Variants in ATP11B observed in about 807,000 individuals in gnomAD.
ATP11B encodes ATPase phospholipid transporting 11B (putative), also known as phospholipid-transporting ATPase IF.
In ATP11B, 81 loss-of-function variants were observed where a neutral mutation model predicts 157.8. That is an observed-to-expected ratio of 0.51 (90% CI 0.43 to 0.62). The LOEUF is 0.62. Among genes scored for constraint, ATP11B ranks in the 20% least tolerant of loss-of-function variants. ATP11B has a pLI of 0.00. For missense variants in ATP11B, 1,165 were observed against 1,402.2 expected, an observed-to-expected ratio of 0.83 and a Z score of 2.70; for synonymous variants, 451 against 469.4, an observed-to-expected ratio of 0.96 and a Z score of 0.51.
intron 11 of ATP11B, 113 bp from the exon 12 acceptor site, chr3:182,859,049 G>A (rs1224236560): frequency 1.6e-6 from 1 of 644,196 alleles, no homozygotes; most frequent in Non-Finnish European, 2.6e-6. Flanking sequence ...TTCTACCTCA[G>A]AATATAGTTG....
At position 182,859,183 on chromosome 3, in the gene ATP11B, T is replaced by C. The variant is rs1488827695; in HGVS notation, c.1024T>C (p.Phe342Leu). The change falls in exon 12 of 30, where the codon TTC becomes CTC. Residue 342 changes from phenylalanine (F) to leucine (L), a missense_variant. Coordinates refer to ENST00000323116, the MANE Select transcript of ATP11B (RefSeq NM_014616.3). The part of the protein sequence containing the change: ...SSKILRFISD[F>L]LAFLVLYNFI... ...CTAGATTCTGAGATTTATTTCAGACTTCCTTGCTTTTTTGGTTCTCTACAA... is the reference window on the plus strand; with the variant it reads ...CTAGATTCTGAGATTTATTTCAGACCTCCTTGCTTTTTTGGTTCTCTACAA... 4.4e-6 allele frequency: 7 copies of C among 1,607,418 alleles called. No individual in the cohort carries two copies. Among genetic ancestry groups the C allele is most frequent in the Non-Finnish European group, 5.9e-6 (7 of 1,176,840 alleles).
chr3:182,890,598 C>T (rs1246529946), intron 25 of ATP11B, among the ~76,000 whole-genome samples: 1 of 152,108 alleles, frequency 6.6e-6, no homozygotes, highest in Non-Finnish European at 1.5e-5. Context: ...AGAGTAGGGA[C>T]ATAAATATAA....
intron 24 of ATP11B, among the ~76,000 whole-genome samples, chr3:182,888,924 G>A (rs1445787172): frequency 2.0e-5 from 3 of 148,008 alleles, no homozygotes; most frequent in Non-Finnish European, 3.0e-5. Flanking sequence ...GTGCAGTGGC[G>A]TGATCTTAGC....
Position 182,884,827 on chromosome 3 carries a change from A to G in ATP11B, c.2584A>G (p.Lys862Glu), listed in dbSNP as rs1722692422. The G allele has an allele frequency of 1.9e-6, 3 of 1,601,952 alleles. No homozygotes were observed. The highest frequency in any genetic ancestry group is 8.5e-7 in the Non-Finnish European group (1 of 1,174,610). The part of the protein sequence containing the change: ...YAIARFKFLS[K>E]LLFVHGHFYY... ...AATAGCCAGATTTAAGTTCCTCTCC[A>G]AATTGCTTTTTGTTCATGGTCATTT... is the stretch of plus-strand genomic sequence containing the variant. Residue 862 changes from lysine to glutamate, a missense_variant, in exon 22 of 30, where the codon AAA becomes GAA. Transcript: ENST00000323116.
chr3:182,839,074 A>G (rs537693560), intron 7 of ATP11B, among the ~76,000 whole-genome samples: 1 of 152,200 alleles, frequency 6.6e-6, no homozygotes, highest in African/African-American at 2.4e-5. Context: ...AATGAGGTAC[A>G]TATACACCAC....
intron 28 of ATP11B, among the ~76,000 whole-genome samples, chr3:182,907,455 A>AT (rs1036822136): frequency 2.0e-5 from 3 of 152,244 alleles, no homozygotes; most frequent in Admixed American, 6.5e-5. Flanking sequence ...ACAGTTTTAA[A>AT]TTAGATTAGT....
chr3:182,903,831 G>T (rs1441894482), intron 28 of ATP11B, among the ~76,000 whole-genome samples: 3 of 152,068 alleles, frequency 2.0e-5, no homozygotes, highest in Non-Finnish European at 4.4e-5. Flanking sequence ...GCACACTCTG[G>T]CCAACTGTTT....
intron 1 of ATP11B, 116 bp downstream of exon 1, chr3:182,793,902 C>G: frequency 1.7e-6 from 1 of 597,790 alleles, no homozygotes; most frequent in Non-Finnish European, 2.4e-6. Flanking sequence ...GGGCGCCCGG[C>G]TAGGCCGCAG....
At chr3:182,901,547 AG>A (rs997603701) in intron 28 of ATP11B, among the ~76,000 whole-genome samples, 27 of 152,242 alleles carry the variant, frequency 1.8e-4, no homozygotes, top group Middle Eastern at 3.4e-3. Context: ...GCACTCAAAA[AG>A]TTTCAGATTT....
intron 28 of ATP11B, among the ~76,000 whole-genome samples, chr3:182,907,851 T>G (rs1050796136): frequency 3.9e-5 from 6 of 152,232 alleles, no homozygotes; most frequent in African/African-American, 1.4e-4. Context: ...TGCTTTAATA[T>G]GTCCATTAAA....
At chr3:182,805,602 G>A (rs937118807) in intron 1 of ATP11B, among the ~76,000 whole-genome samples, 5 of 150,488 alleles carry the variant, frequency 3.3e-5, no homozygotes, top group African/African-American at 4.9e-5. Flanking sequence ...TTATAGGCGC[G>A]TGCTACCAGG....
At chr3:182,798,801 A>T (rs768740894) in intron 1 of ATP11B, among the ~76,000 whole-genome samples, 8 of 152,234 alleles carry the variant, frequency 5.3e-5, no homozygotes, top group Non-Finnish European at 1.0e-4. Flanking sequence ...AGTTTGGAAA[A>T]AGGATGTAAA....
chr3:182,890,799 C>T (rs975923871), intron 25 of ATP11B, among the ~76,000 whole-genome samples: 1 of 152,034 alleles, frequency 6.6e-6, no homozygotes, highest in Non-Finnish European at 1.5e-5. Context: ...TATTAATTTT[C>T]GCATGTTAGA....
At chr3:182,798,708 C>A (rs1715788302) in intron 1 of ATP11B, among the ~76,000 whole-genome samples, 1 of 152,316 alleles carries the variant, frequency 6.6e-6, no homozygotes, top group Non-Finnish European at 1.5e-5. Flanking sequence ...CCACATATGG[C>A]TGTCGAAATG....
At chr3:182,886,731 C>T (rs888272137) in intron 23 of ATP11B, among the ~76,000 whole-genome samples, 1 of 152,076 alleles carries the variant, frequency 6.6e-6, no homozygotes, top group African/African-American at 2.4e-5. Context: ...TTTTACATAC[C>T]ATACTATACA....
At chr3:182,862,715 G>C (rs1231948390) in intron 12 of ATP11B, among the ~76,000 whole-genome samples, 1 of 151,872 alleles carries the variant, frequency 6.6e-6, no homozygotes, top group African/African-American at 2.4e-5. Context: ...TCTAAGTTCT[G>C]GTACATCAGT....
At chr3:182,915,268 A>G in intron 29 of ATP11B, 3 of 985,408 alleles carry the variant, frequency 3.0e-6, no homozygotes, top group Non-Finnish European at 3.6e-6. Flanking sequence ...CTGTGGTTTC[A>G]ATCCCCGTTT....
chr3:182,897,391 A>T lies in ATP11B; in HGVS notation c.3137A>T (p.Tyr1046Phe), dbSNP rs1361247894. The change falls in exon 27 of 30, where the codon TAT becomes TTT. Residue 1046 changes from tyrosine (Y) to phenylalanine (F), a missense_variant. Tyr to Phe is a conservative substitution (Grantham distance 22). Coordinates refer to ENST00000323116, the MANE Select transcript of ATP11B (RefSeq NM_014616.3). ...IIFYFVFSLFYGGILWPFLGS... is the reference protein window; with the variant it reads ...IIFYFVFSLFFGGILWPFLGS... ...TTTTATTTTGTATTTTCCTTGTTTT[A>T]TGGAGGGATTCTCTGGTGAGTGAAT... The T allele has an allele frequency of 6.3e-7, 1 of 1,576,328 alleles. No homozygotes were observed. The highest frequency in any genetic ancestry group is 1.7e-4 in the Middle Eastern group (1 of 5,948).
At chr3:182,890,647 G>A (rs1577084000) in intron 25 of ATP11B, among the ~76,000 whole-genome samples, 1 of 152,216 alleles carries the variant, frequency 6.6e-6, no homozygotes, top group South Asian at 2.1e-4. Flanking sequence ...AGACTGATGT[G>A]GATGAAAATA....
Sources: allele counts gnomAD v4.1 joint callset (sites outside exome capture counted in the v4.1 genomes callset), GRCh38; gene constraint gnomAD v4.1.1; transcripts MANE v1.5; gene names NCBI Gene and HGNC (gene_info 2026-07-23, HGNC 2026-07-21).